The following ADGRV1 variants were observed in gnomAD, a reference collection of about 807,000 sequenced individuals.
ADGRV1 encodes adhesion G protein-coupled receptor V1.
Under a neutral mutation model 596.2 loss-of-function variants are expected in ADGRV1, and 359 were observed. The ratio of observed to expected loss-of-function variants is 0.60; its 90% CI spans 0.55 to 0.66. The LOEUF is 0.66. ADGRV1 is among the 30% of genes least tolerant of loss of function. ADGRV1 has a pLI of 0.00. For synonymous variants in ADGRV1, 2,681 were observed against 2,679.2 expected, an observed-to-expected ratio of 1.00 and a Z score of -0.02; for missense variants, 7,274 against 7,575.6, an observed-to-expected ratio of 0.96 and a Z score of 1.48.
intron 38 of ADGRV1, among the ~76,000 whole-genome samples, chr5:90,707,398 T>C (rs1293081986): frequency 6.6e-6 from 1 of 152,156 alleles, no homozygotes; most frequent in African/African-American, 2.4e-5. Flanking sequence ...AATTACTATG[T>C]ATTTTGGGAG....
Position 90,728,862 on chromosome 5 carries a change from G to A in ADGRV1, c.10355G>A (p.Gly3452Glu), listed in dbSNP as rs1382255191. ...AACTTTCAAGAGGTGCCTGTCAGTG[G>A]GACAACAGAAGTTGAGGCTTTGTCT... ...FINFQEVPVSGTTEVEALSSA... is the reference protein window; with the variant it reads ...FINFQEVPVSETTEVEALSSA... The change falls in exon 49 of 90, where the codon GGG (glycine) becomes GAG (glutamate). Residue 3452 changes from glycine to glutamate, a missense_variant. Around this residue, in one of 5 missense-constraint regions of ADGRV1, gnomAD observed 3,643 missense variants for 3,809.2 expected, o/e 0.96. Coordinates refer to ENST00000405460, the MANE Select transcript of ADGRV1 (RefSeq NM_032119.4). 3 of 1,613,568 alleles carry A rather than the reference G, an allele frequency of 1.9e-6. No homozygotes were observed. In the African/African-American group the frequency reaches 4.0e-5, roughly 22 times the overall value.
intron 83 of ADGRV1, among the ~76,000 whole-genome samples, chr5:90,912,097 C>T (rs535389472): frequency 6.6e-5 from 10 of 152,060 alleles, no homozygotes; most frequent in Admixed American, 2.6e-4. Context: ...GCTTGGTAAG[C>T]GGTAAGTACT....
At chr5:90,988,114 C>A (rs1269833705) in intron 85 of ADGRV1, among the ~76,000 whole-genome samples, 1 of 152,128 alleles carries the variant, frequency 6.6e-6, no homozygotes, top group Non-Finnish European at 1.5e-5. Context: ...TTTCAATAAG[C>A]TTCTCTTCTT....
chr5:90,746,223 G>C (rs903147674), intron 52 of ADGRV1, among the ~76,000 whole-genome samples: 1 of 128,260 alleles, frequency 7.8e-6, no homozygotes, highest in Non-Finnish European at 1.6e-5. Flanking sequence ...GAGAGGGGAA[G>C]AGAATGAGAG....
chr5:90,738,240 G>T (rs918671849), intron 50 of ADGRV1, among the ~76,000 whole-genome samples: 3 of 151,952 alleles, frequency 2.0e-5, no homozygotes, highest in Non-Finnish European at 4.4e-5. Flanking sequence ...TTATGATTTT[G>T]ATCTCAGAAT....
intron 83 of ADGRV1, among the ~76,000 whole-genome samples, chr5:90,938,792 G>A (rs924605650): frequency 4.6e-5 from 7 of 152,232 alleles, no homozygotes; most frequent in Middle Eastern, 3.4e-3. Context: ...TATAATTCTA[G>A]GATTGTTTAT....
rs533703418 is a variant in ADGRV1 at position 91,137,357 on chromosome 5, G to A, written c.18433-12673G>A. On this transcript the variant is annotated intron_variant, in intron 87 of 89. Transcript: ENST00000405460. ...AAATTTTCTGTTGGGAAAGTAATTC[G>A]GGAGTGTGGACCCACATCATGGCAG... Among the ~76,000 whole-genome samples the A allele has an allele frequency of 2.1e-4, 32 of 152,210 alleles. No individual in the cohort carries two copies. In the East Asian group the frequency reaches 5.2e-3, roughly 25 times the overall value.
chr5:91,031,932 ATAAT>A (rs1030529708), intron 85 of ADGRV1, among the ~76,000 whole-genome samples: 5 of 152,216 alleles, frequency 3.3e-5, no homozygotes, highest in African/African-American at 9.6e-5. Flanking sequence ...AAAAGAAAAA[ATAAT>A]TAATTACGTG....
chr5:91,105,576 C>T (rs913410095), intron 87 of ADGRV1, among the ~76,000 whole-genome samples: 1 of 152,162 alleles, frequency 6.6e-6, no homozygotes, highest in Non-Finnish European at 1.5e-5. Flanking sequence ...TTGCATTTCC[C>T]TGATGATTAG....
intron 74 of ADGRV1, among the ~76,000 whole-genome samples, chr5:90,815,371 ATG>A (rs1762794718): frequency 6.6e-6 from 1 of 152,094 alleles, no homozygotes; most frequent in Non-Finnish European, 1.5e-5. Flanking sequence ...AAAAATGAAT[ATG>A]TGTGTGTCAG....
intron 47 of ADGRV1, 106 bp from the exon 48 acceptor site, chr5:90,725,443 T>C (rs1337962380): frequency 1.3e-6 from 1 of 752,586 alleles, no homozygotes; most frequent in Non-Finnish European, 2.2e-6. Flanking sequence ...GGTATTAAAA[T>C]TTTTTAAGTC....
intron 1 of ADGRV1, among the ~76,000 whole-genome samples, chr5:90,564,791 TA>T (rs1755388567): frequency 1.1e-5 from 1 of 89,384 alleles, no homozygotes; most frequent in Non-Finnish European, 2.2e-5. Flanking sequence ...TGCGCCCGGC[TA>T]ATTTTTTGTA....
intron 75 of ADGRV1, among the ~76,000 whole-genome samples, chr5:90,819,795 C>G (rs898995109): frequency 6.6e-6 from 1 of 151,996 alleles, no homozygotes; most frequent in African/African-American, 2.4e-5. Context: ...TTGTTATAAT[C>G]TCTGTTCTTT....
At chr5:90,704,226 C>T (rs1338143382) in intron 35 of ADGRV1, among the ~76,000 whole-genome samples, 163 bp from the exon 36 acceptor site, 1 of 152,104 alleles carries the variant, frequency 6.6e-6, no homozygotes, top group Admixed American at 6.5e-5. Context: ...AGCTTAGGTT[C>T]CCATGTGTCA....
In ADGRV1 at chr5:90,774,291, T is replaced by C; in HGVS notation, c.12391T>C (p.Ser4131Pro). The change falls in exon 60 of 90, where the codon TCT becomes CCT. Residue 4131 changes from serine (S) to proline (P), a missense_variant. Around this residue, in one of 5 missense-constraint regions of ADGRV1, gnomAD observed 3,643 missense variants for 3,809.2 expected, o/e 0.96. Transcript: ENST00000405460. Reference sequence around the variant, plus strand: ...GATATCAATTGATGAGGTAGAAATATCTCCAGTAAAAGGTAAGAGAAATTC... The same window carrying C: ...GATATCAATTGATGAGGTAGAAATACCTCCAGTAAAAGGTAAGAGAAATTC... ...QLISIDEVEI[S>P]PVKGSASIII... 1.9e-6 allele frequency: 3 copies of C among 1,542,920 alleles called. No homozygotes were observed. Among genetic ancestry groups the C allele is most frequent in the Non-Finnish European group, 2.7e-6 (3 of 1,115,578 alleles).
intron 1 of ADGRV1, among the ~76,000 whole-genome samples, chr5:90,609,095 T>C (rs959974050): frequency 6.6e-6 from 1 of 151,978 alleles, no homozygotes; most frequent in Admixed American, 6.6e-5. Flanking sequence ...CTGATTTCTA[T>C]AGTCTGTCTT....
chr5:90,800,418 A>G (rs902557280), intron 70 of ADGRV1, among the ~76,000 whole-genome samples: 8 of 152,114 alleles, frequency 5.3e-5, no homozygotes, highest in Admixed American at 4.6e-4. Flanking sequence ...AAAAAGTCAG[A>G]AAACAACAGA....
chr5:90,985,431 C>A lies in ADGRV1; in HGVS notation c.18061C>A (p.Pro6021Thr). 6.2e-7 allele frequency: 1 copy of A among 1,613,614 alleles called. No homozygotes were observed. Among genetic ancestry groups the A allele is most frequent in the Non-Finnish European group, 8.5e-7 (1 of 1,179,620 alleles). The change falls in exon 85 of 90, where the codon CCA becomes ACA. Residue 6021 changes from proline (P) to threonine (T), a missense_variant. By Grantham distance (38) the Pro-to-Thr change is conservative. This residue lies in a region of ADGRV1 where 1,874 missense variants were observed against 1,970.2 expected (regional missense o/e 0.95). Coordinates refer to ENST00000405460, the MANE Select transcript of ADGRV1 (RefSeq NM_032119.4). ...LLFFLLSWGL[P>T]AFVVILLIVI... is the part of the protein sequence containing the mutation. ...GTTTTTCCTTCTGAGTTGGGGACTA[C>A]CAGCTTTTGTGGTGATTCTCCTCAT... is the stretch of plus-strand genomic sequence containing the variant.
chr5:90,993,154 C>T (rs1293883447), intron 85 of ADGRV1, among the ~76,000 whole-genome samples: 9 of 97,666 alleles, frequency 9.2e-5, no homozygotes, highest in East Asian at 8.8e-4. Context: ...TTGGTTTTCA[C>T]TTTTTTTTTT....
Sources: allele counts gnomAD v4.1 joint callset (sites outside exome capture counted in the v4.1 genomes callset), GRCh38; gene constraint gnomAD v4.1.1; regional missense constraint gnomAD v4.1.1; transcripts MANE v1.5; gene names NCBI Gene and HGNC (gene_info 2026-07-23, HGNC 2026-07-21).